The following LHFPL6 variants were observed in gnomAD, a reference collection of about 807,000 sequenced individuals.
LHFPL6 encodes LHFPL tetraspan subfamily member 6.
LHFPL6 carries 9 observed loss-of-function variants against 20.6 expected under a neutral mutation model. The observed-to-expected ratio is 0.44, with a 90% CI of 0.26 to 0.76. The LOEUF is 0.76. Among genes scored for constraint, LHFPL6 ranks in the 30% least tolerant of loss-of-function variants. The pLI is 0.20. For synonymous variants in LHFPL6, 105 were observed against 98.7 expected (o/e 1.06, Z -0.38); for missense variants, 218 against 253.5 (o/e 0.86, Z 0.95).
At chr13:39,566,731 TAAAAAA>T (rs3035077) in intron 2 of LHFPL6, among the ~76,000 whole-genome samples, 2 of 70,086 alleles carry the variant, frequency 2.9e-5, no homozygotes, top group African/African-American at 5.7e-5. Context: ...AGACCCTGTC[TAAAAAA>T]AAAAAAAAAA....
intron 2 of LHFPL6, among the ~76,000 whole-genome samples, chr13:39,570,440 G>T (rs538151873): frequency 2.6e-5 from 4 of 152,004 alleles, no homozygotes; most frequent in African/African-American, 9.6e-5. Context: ...CACCACGCCT[G>T]GCTAATTTAT....
chr13:39,540,264 C>T (rs1057388818), intron 2 of LHFPL6, among the ~76,000 whole-genome samples: 9 of 151,680 alleles, frequency 5.9e-5, no homozygotes, highest in Non-Finnish European at 8.8e-5. Context: ...AGGATACTCA[C>T]GAAAAAATAC....
At chr13:39,358,889 T>C (rs915976473) in intron 3 of LHFPL6, among the ~76,000 whole-genome samples, 2 of 151,998 alleles carry the variant, frequency 1.3e-5, no homozygotes, top group African/African-American at 2.4e-5. Flanking sequence ...AGTGAAAAAA[T>C]AGACTGGGTG....
At chr13:39,372,735 G>A (rs1174287215) in intron 3 of LHFPL6, among the ~76,000 whole-genome samples, 1 of 151,880 alleles carries the variant, frequency 6.6e-6, no homozygotes, top group African/African-American at 2.4e-5. Flanking sequence ...TTTTAAAGTA[G>A]GTTCTTTCAG....
At position 39,541,825 on chromosome 13, in the gene LHFPL6, C is replaced by T. The variant is rs529009400; in HGVS notation, c.385+59007G>A. Among the ~76,000 whole-genome samples, 47 of 151,274 alleles carry T rather than the reference C, an allele frequency of 3.1e-4. No homozygotes were observed. The South Asian group carries it at 9.9e-3, about 32-fold the overall frequency. On this transcript the variant is annotated intron_variant, in intron 2 of 3. Coordinates refer to ENST00000379589, the MANE Select transcript of LHFPL6 (RefSeq NM_005780.3). ...GACAGGTTGGCTGGGTGCAGTGGCTCACGCCTGTAATCCCAGCACTTTGGG... is the reference window on the plus strand; with the variant it reads ...GACAGGTTGGCTGGGTGCAGTGGCTTACGCCTGTAATCCCAGCACTTTGGG...
At position 39,403,782 on chromosome 13, in the gene LHFPL6, T is replaced by C. The variant is rs147283612; in HGVS notation, c.386-25256A>G. Among the ~76,000 whole-genome samples, 443 of 152,306 alleles carry C rather than the reference T, an allele frequency of 2.9e-3. 2 individuals carry two copies. Among genetic ancestry groups the C allele is most frequent in the Non-Finnish European group, 5.1e-3 (349 of 68,030 alleles). ...CAAAGTATGTGCATGGGTAAAAATA[T>C]GTTGGACATACCCCCACCACTGTAT... On this transcript the variant is annotated intron_variant, in intron 2 of 3. Coordinates refer to ENST00000379589, the MANE Select transcript of LHFPL6 (RefSeq NM_005780.3).
intron 2 of LHFPL6, among the ~76,000 whole-genome samples, chr13:39,448,836 A>T (rs1277630717): frequency 6.6e-6 from 1 of 152,264 alleles, no homozygotes; most frequent in Non-Finnish European, 1.5e-5. Flanking sequence ...TGCTTATTTC[A>T]GGACAAAACT....
chr13:39,478,286 A>G (rs967964174), intron 2 of LHFPL6, among the ~76,000 whole-genome samples: 9 of 152,194 alleles, frequency 5.9e-5, no homozygotes, highest in Non-Finnish European at 1.2e-4. Context: ...AACCAGCACT[A>G]TAAACATGTT....
chr13:39,362,093 T>C (rs2138345673), intron 3 of LHFPL6, among the ~76,000 whole-genome samples: 1 of 152,398 alleles, frequency 6.6e-6, no homozygotes, highest in South Asian at 2.1e-4. Flanking sequence ...TGAAGATATC[T>C]ATGTGACATG....
chr13:39,569,156 C>CGGACGGACGGATGGATGGAT (rs754156552), intron 2 of LHFPL6, among the ~76,000 whole-genome samples: 71 of 97,356 alleles, frequency 7.3e-4, no homozygotes, highest in African/African-American at 2.7e-3. Context: ...GATGGACGGA[C>CGGACGGACGGATGGATGGAT]GGATGGATGG....
At chr13:39,567,262 C>A (rs1244383615) in intron 2 of LHFPL6, among the ~76,000 whole-genome samples, 2 of 152,088 alleles carry the variant, frequency 1.3e-5, no homozygotes, top group Admixed American at 6.5e-5. Context: ...CTTATAAAAT[C>A]TCAAATTTCA....
At chr13:39,352,355 G>A (rs73467374) in intron 3 of LHFPL6, among the ~76,000 whole-genome samples, 11,582 of 152,212 alleles carry the variant, frequency 0.076, 545 homozygotes, top group South Asian at 0.22. Context: ...TGAACCCTCA[G>A]AAGTTTGGCT....
chr13:39,556,701 T>C (rs1185949418), intron 2 of LHFPL6, among the ~76,000 whole-genome samples: 2 of 152,170 alleles, frequency 1.3e-5, no homozygotes, highest in Non-Finnish European at 2.9e-5. Context: ...TGGTGGCTCA[T>C]GCTATAAACC....
At chr13:39,531,269 A>G (rs758666724) in intron 2 of LHFPL6, among the ~76,000 whole-genome samples, 16 of 152,180 alleles carry the variant, frequency 1.1e-4, no homozygotes, top group Non-Finnish European at 1.8e-4. Context: ...AATATATTGC[A>G]TGTCATTGTA....
chr13:39,555,045 C>T (rs1312038315), intron 2 of LHFPL6, among the ~76,000 whole-genome samples: 1 of 152,192 alleles, frequency 6.6e-6, no homozygotes, highest in Admixed American at 6.5e-5. Flanking sequence ...AATAAATACT[C>T]TTGCTCCATT....
At chr13:39,438,967 C>G (rs912485405) in intron 2 of LHFPL6, among the ~76,000 whole-genome samples, 1 of 152,146 alleles carries the variant, frequency 6.6e-6, no homozygotes, top group Non-Finnish European at 1.5e-5. Flanking sequence ...GGGTCGGAGC[C>G]CCCACACAGA....
chr13:39,489,834 T>C (rs910170311), intron 2 of LHFPL6, among the ~76,000 whole-genome samples: 11 of 152,142 alleles, frequency 7.2e-5, no homozygotes, highest in African/African-American at 2.7e-4. Context: ...GGATTACAGA[T>C]GTAAGTCACC....
At chr13:39,407,931 T>C (rs896701986) in intron 2 of LHFPL6, among the ~76,000 whole-genome samples, 2 of 152,218 alleles carry the variant, frequency 1.3e-5, no homozygotes, top group Admixed American at 6.5e-5. Flanking sequence ...CTTCTGAGAA[T>C]GAATGGAAGG....
intron 2 of LHFPL6, among the ~76,000 whole-genome samples, chr13:39,537,120 T>C (rs1021601254): frequency 1.3e-5 from 2 of 152,210 alleles, no homozygotes; most frequent in African/African-American, 2.4e-5. Flanking sequence ...TTCATGGTTC[T>C]CTGTTTGCAG....
Sources: allele counts gnomAD v4.1 joint callset (sites outside exome capture counted in the v4.1 genomes callset), GRCh38; gene constraint gnomAD v4.1.1; transcripts MANE v1.5; gene names NCBI Gene and HGNC (gene_info 2026-07-23, HGNC 2026-07-21).